Variants in RANGAP1 observed in about 807,000 individuals in gnomAD.
RANGAP1 encodes Ran GTPase activating protein 1.
RANGAP1 carries 38 observed loss-of-function variants against 63.5 expected under a neutral mutation model. The ratio of observed to expected loss-of-function variants is 0.60; its 90% confidence interval spans 0.46 to 0.78. The LOEUF (loss-of-function observed/expected upper bound fraction) is 0.78. RANGAP1 is among the 30% of genes least tolerant of loss of function. The probability of loss-of-function intolerance (pLI) is 0.00; values close to 1 mark genes in which losing one functional copy is unlikely to be tolerated. For missense variants in RANGAP1, 630 were observed against 740.3 expected, an observed-to-expected ratio of 0.85 and a Z score of 1.73; for synonymous variants, 329 against 310.5, an observed-to-expected ratio of 1.06 and a Z score of -0.63.
intron 6 of RANGAP1, among the ~76,000 whole-genome samples, chr22:41,259,026 G>C (rs1397289977): frequency 1.3e-5 from 2 of 151,874 alleles, no homozygotes; most frequent in Non-Finnish European, 2.9e-5. Flanking sequence ...CCTCTCCCAG[G>C]AAGGCTTCCT....
intron 15 of RANGAP1, among the ~76,000 whole-genome samples, chr22:41,248,389 A>G (rs1422364568): frequency 6.6e-6 from 1 of 152,188 alleles, no homozygotes; most frequent in East Asian, 1.9e-4. Context: ...CCATGCAGAC[A>G]CTGGAGTGGA....
chr22:41,289,408 C>A (rs1001482252), upstream of RANGAP1, among the ~76,000 whole-genome samples: 1 of 151,606 alleles, frequency 6.6e-6, no homozygotes, highest in Non-Finnish European at 1.5e-5. Flanking sequence ...GATCATCTGA[C>A]GTCAGGAATT....
chr22:41,277,874 C>G (rs765293166), intron 2 of RANGAP1, among the ~76,000 whole-genome samples: 2 of 152,186 alleles, frequency 1.3e-5, no homozygotes, highest in African/African-American at 2.4e-5. Flanking sequence ...TTTGCCTTCA[C>G]TTAGTTACCT....
upstream of RANGAP1, among the ~76,000 whole-genome samples, chr22:41,286,828 C>G (rs2035764560): frequency 6.6e-6 from 1 of 152,222 alleles, no homozygotes; most frequent in African/African-American, 2.4e-5. Context: ...CACGGCGTCA[C>G]CGTCCGGTCT....
At chr22:41,274,281 C>A (rs2035010594) in intron 3 of RANGAP1, among the ~76,000 whole-genome samples, 1 of 152,236 alleles carries the variant, frequency 6.6e-6, no homozygotes, top group Admixed American at 6.5e-5. Flanking sequence ...GTCAGAGGCT[C>A]CTGCTGGTTA....
At chr22:41,258,305 AT>A (rs1192503410) in intron 6 of RANGAP1, among the ~76,000 whole-genome samples, 199 bp from the exon 7 acceptor site, 1 of 152,222 alleles carries the variant, frequency 6.6e-6, no homozygotes, top group Non-Finnish European at 1.5e-5. Context: ...CTGGGATAGG[AT>A]CCCCACCAGA....
chr22:41,250,296 C>T (rs1396350927), intron 13 of RANGAP1, among the ~76,000 whole-genome samples: 1 of 152,220 alleles, frequency 6.6e-6, no homozygotes, highest in African/African-American at 2.4e-5. Context: ...TCCTTCCGAG[C>T]CTCATTTCCC....
At chr22:41,293,108 G>A in the RANGAP1 span, among the ~76,000 whole-genome samples, 22 of 151,518 alleles carry the variant, frequency 1.5e-4, no homozygotes, top group African/African-American at 4.1e-4. Context: ...GTTGGCGGGC[G>A]CCTGTAGTCC....
intron 3 of RANGAP1, among the ~76,000 whole-genome samples, chr22:41,269,087 G>A (rs1289656590): frequency 2.0e-5 from 3 of 151,652 alleles, no homozygotes; most frequent in African/African-American, 4.9e-5. Context: ...TGTTTTCTTC[G>A]TTTTTTTTAA....
In RANGAP1 at chr22:41,278,776, G is replaced by T. The variant is rs150939445; in HGVS notation, c.112+2157C>A. On this transcript the variant is annotated intron_variant, in intron 2 of 15. Transcript: ENST00000356244. ...AGTGATAAACGAGGTCAAAGTGGGC[G>T]GATCACCTGAGGTCAAGAATTCAAA... Among the ~76,000 whole-genome samples the T allele has an allele frequency of 4.9e-3, 747 of 152,326 alleles. 3 individuals carry two copies. Among genetic ancestry groups the T allele is most frequent in the Middle Eastern group, 0.014 (4 of 294 alleles).
At chr22:41,290,157 A>AG (rs1288129873), upstream of RANGAP1, among the ~76,000 whole-genome samples, 65 of 147,104 alleles carry the variant, frequency 4.4e-4, no homozygotes, top group Middle Eastern at 7.0e-3. Flanking sequence ...GAAAAAAAAA[A>AG]AAGAGAGAGA....
At chr22:41,256,885 G>C in intron 7 of RANGAP1, 61 bp from the exon 8 acceptor site, 1 of 1,356,206 alleles carries the variant, frequency 7.4e-7, no homozygotes, top group Non-Finnish European at 1.0e-6. Context: ...CCCTCAGCAA[G>C]CCCCGGGGGC....
At chr22:41,264,504 G>A (rs573337070) in intron 5 of RANGAP1, among the ~76,000 whole-genome samples, 160 bp downstream of exon 5, 1 of 152,294 alleles carries the variant, frequency 6.6e-6, no homozygotes, top group Admixed American at 6.5e-5. Flanking sequence ...CCTCATGGAC[G>A]CCTCTACCCT....
intron 3 of RANGAP1, among the ~76,000 whole-genome samples, chr22:41,270,032 G>A (rs914758439): frequency 3.3e-4 from 50 of 151,320 alleles, no homozygotes; most frequent in African/African-American, 1.2e-3. Flanking sequence ...ATGGGGTTTC[G>A]CCATATTGGC....
the RANGAP1 span, among the ~76,000 whole-genome samples, chr22:41,294,441 G>C: frequency 2.6e-5 from 4 of 151,806 alleles, no homozygotes; most frequent in Non-Finnish European, 5.9e-5. Context: ...GCCTCCCAAA[G>C]TGCCGAGATT....
upstream of RANGAP1, among the ~76,000 whole-genome samples, chr22:41,289,260 G>A (rs1222181682): frequency 6.6e-6 from 1 of 152,074 alleles, no homozygotes; most frequent in Admixed American, 6.6e-5. Flanking sequence ...CAAATGGGGA[G>A]ACTGGGGTTT....
intron 14 of RANGAP1, 134 bp from the exon 15 acceptor site, chr22:41,249,585 G>T: frequency 6.5e-7 from 1 of 1,532,086 alleles, no homozygotes. Flanking sequence ...GACCAAGGCT[G>T]CTGGGGCAGA....
intron 1 of RANGAP1, chr22:41,285,696 G>A (rs1306571214): frequency 2.0e-6 from 2 of 984,610 alleles, no homozygotes; most frequent in East Asian, 2.3e-4. Flanking sequence ...GACTCGCACC[G>A]CCTCCGGTTG....
intron 3 of RANGAP1, among the ~76,000 whole-genome samples, chr22:41,273,766 C>CAAAAAGAAAAAA (rs2034972556): frequency 4.1e-5 from 1 of 24,350 alleles, no homozygotes. Flanking sequence ...GACTCCATCT[C>CAAAAAGAAAAAA]AAAAAAAAAA....
Sources: allele counts gnomAD v4.1 joint callset (sites outside exome capture counted in the v4.1 genomes callset), GRCh38; gene constraint gnomAD v4.1.1; transcripts MANE v1.5; gene names NCBI Gene and HGNC (gene_info 2026-07-23, HGNC 2026-07-21).